Variants in GDAP1 observed in about 807,000 individuals in gnomAD.
The protein encoded by GDAP1 is ganglioside induced differentiation associated protein 1.
GDAP1 carries 34 observed loss-of-function variants against 40.1 expected under a neutral mutation model. The ratio of observed to expected loss-of-function variants is 0.85; its 90% CI spans 0.64 to 1.13. The LOEUF (loss-of-function observed/expected upper bound fraction) is 1.13. Among genes scored for constraint, GDAP1 ranks in the 50% most tolerant of loss-of-function variants. The pLI is 0.00. For missense variants in GDAP1, 374 were observed against 433.7 expected (o/e 0.86, Z 1.22); for synonymous variants, 170 against 157.4 (o/e 1.08, Z -0.60).
In GDAP1 at chr8:74,453,621, G is replaced by A. The variant is rs1343077991; in HGVS notation, c.166-35057G>A. Among the ~76,000 whole-genome samples, 8 of 84,130 alleles carry A rather than the reference G, an allele frequency of 9.5e-5. 2 individuals are homozygous for A. Among genetic ancestry groups the A allele is most frequent in the Non-Finnish European group, 1.2e-4 (5 of 41,236 alleles). 55.2% of individuals were successfully genotyped at this position (84,130 alleles called of 152,430 possible). ...TATTAACTTTTTTATATGTAAGTGA[G>A]ATCTGGTATTTATTCTCTCTTAGCA... On this transcript the variant is annotated intron_variant, in intron 2 of 2. Coordinates refer to the GDAP1 transcript ENST00000523640.
Position 74,366,099 on chromosome 8 carries a change from T to C in GDAP1, c.*1732T>C. 2.3e-6 allele frequency: 1 copy of C among 441,778 alleles called. No individual in the cohort carries two copies. Among genetic ancestry groups the C allele is most frequent in the Non-Finnish European group, 4.5e-6 (1 of 223,238 alleles). 27.4% of individuals were successfully genotyped at this position (441,778 alleles called of 1,614,324 possible). ...AGTTGTTAAGAATAAAAATTAGAAG[T>C]CCATGGTTAACTTTTCCTTCAATTT... On this transcript the variant is annotated 3_prime_UTR_variant, in exon 6 of 6. Coordinates refer to ENST00000220822, the MANE Select transcript of GDAP1 (RefSeq NM_018972.4).
At chr8:74,378,005 A>G (rs1809886212) in intron 2 of GDAP1, among the ~76,000 whole-genome samples, 1 of 152,212 alleles carries the variant, frequency 6.6e-6, no homozygotes, top group Non-Finnish European at 1.5e-5. Context: ...ATGCTATGTG[A>G]GGAGGTAATG....
intron 2 of GDAP1, among the ~76,000 whole-genome samples, chr8:74,356,784 G>A (rs1239501089): frequency 2.8e-5 from 4 of 142,822 alleles, no homozygotes; most frequent in Non-Finnish European, 6.0e-5. Flanking sequence ...GCGCAATCTC[G>A]GCTCCCTGCA....
In GDAP1 at chr8:74,435,738, T is replaced by C. The variant is rs144631363; in HGVS notation, c.166-52940T>C. Among the ~76,000 whole-genome samples, 1,049 of 152,342 alleles carry C rather than the reference T, an allele frequency of 6.9e-3. 9 individuals carry two copies. The highest frequency in any genetic ancestry group is 0.023 in the African/African-American group (973 of 41,572). On this transcript the variant is annotated intron_variant, in intron 2 of 2. Coordinates refer to the GDAP1 transcript ENST00000523640. Reference sequence around the variant, plus strand: ...TCACAAAGAGATGTTTAGAAGCAGTTCTACTTTCCTTCCTCCAAATATCAT... The same window carrying C: ...TCACAAAGAGATGTTTAGAAGCAGTCCTACTTTCCTTCCTCCAAATATCAT...
At chr8:74,360,034 T>C (rs1809279720) in intron 2 of GDAP1, 103 bp from the exon 3 acceptor site, 10 of 811,690 alleles carry the variant, frequency 1.2e-5, no homozygotes, top group Admixed American at 3.9e-5. Context: ...TATACAGATA[T>C]GTTGAAAATG....
At chr8:74,402,184 C>T (rs1053331769) in intron 2 of GDAP1, among the ~76,000 whole-genome samples, 5 of 150,496 alleles carry the variant, frequency 3.3e-5, no homozygotes, top group African/African-American at 5.0e-5. Flanking sequence ...AGGCAGGCCT[C>T]CTTGAGCTGT....
Position 74,407,227 on chromosome 8 carries a change from T to C in GDAP1, c.165+55906T>C, listed in dbSNP as rs559539180. On this transcript the variant is annotated intron_variant, in intron 2 of 2. Transcript: ENST00000523640. Reference sequence around the variant, plus strand: ...CAGGAGGACTTCTTGAGACCAGGAGTTCGAGACCAGCCTGGACAATTTAAT... The same window carrying C: ...CAGGAGGACTTCTTGAGACCAGGAGCTCGAGACCAGCCTGGACAATTTAAT... 4.0e-5 allele frequency among the ~76,000 whole-genome samples: 6 copies of C among 149,652 alleles called. 1 individual carries two copies. The highest frequency in any genetic ancestry group is 1.5e-4 in the African/African-American group (6 of 39,100).
chr8:74,409,923 C>T (rs544981314), intron 2 of GDAP1, among the ~76,000 whole-genome samples: 4 of 150,012 alleles, frequency 2.7e-5, no homozygotes, highest in African/African-American at 5.1e-5. Flanking sequence ...TCTCCCATCT[C>T]CTTGGCTGTG....
intron 2 of GDAP1, among the ~76,000 whole-genome samples, chr8:74,463,467 A>C (rs1195186320): frequency 6.6e-6 from 1 of 151,792 alleles, no homozygotes; most frequent in African/African-American, 2.4e-5. Flanking sequence ...TCTCAAAAAA[A>C]AAAACAAAAA....
chr8:74,377,338 A>G (rs1809873172), intron 2 of GDAP1, among the ~76,000 whole-genome samples: 1 of 152,206 alleles, frequency 6.6e-6, no homozygotes, highest in Non-Finnish European at 1.5e-5. Context: ...TATACCTCCA[A>G]TTCAATAATA....
At chr8:74,488,162 G>A (rs1806798705) in intron 2 of GDAP1, among the ~76,000 whole-genome samples, 1 of 152,128 alleles carries the variant, frequency 6.6e-6, no homozygotes, top group Non-Finnish European at 1.5e-5. Flanking sequence ...AATTATTAAA[G>A]TTAAAAATTA....
At chr8:74,468,531 G>A (rs1356496748) in intron 2 of GDAP1, among the ~76,000 whole-genome samples, 1 of 146,886 alleles carries the variant, frequency 6.8e-6, no homozygotes, top group Non-Finnish European at 1.5e-5. Flanking sequence ...ACACATGAAT[G>A]TGTATATATA....
chr8:74,409,465 C>T (rs563559276), intron 2 of GDAP1, among the ~76,000 whole-genome samples: 11 of 149,886 alleles, frequency 7.3e-5, no homozygotes, highest in South Asian at 4.1e-4. Flanking sequence ...GATTCTCCTG[C>T]CCCAGCCTCC....
intron 2 of GDAP1, among the ~76,000 whole-genome samples, chr8:74,395,809 C>T (rs1280756211): frequency 2.0e-5 from 3 of 152,206 alleles, no homozygotes; most frequent in African/African-American, 7.2e-5. Context: ...CGGCTACTCA[C>T]ATTTATTTTA....
chr8:74,378,896 G>A (rs1809903856), intron 2 of GDAP1, among the ~76,000 whole-genome samples: 1 of 152,188 alleles, frequency 6.6e-6, no homozygotes, highest in Non-Finnish European at 1.5e-5. Context: ...CCCTTGACAG[G>A]AAAGACTTAG....
At chr8:74,458,569 A>G (rs919273985) in intron 2 of GDAP1, among the ~76,000 whole-genome samples, 8 of 152,210 alleles carry the variant, frequency 5.3e-5, no homozygotes, top group African/African-American at 1.4e-4. Context: ...AAATGGAAAG[A>G]AGAAGATACT....
chr8:74,422,536 T>TTCCTTCCTTCC (rs1805891677), intron 2 of GDAP1, among the ~76,000 whole-genome samples: 4 of 82,960 alleles, frequency 4.8e-5, no homozygotes, highest in African/African-American at 1.9e-4. Context: ...TCCTTCCTTC[T>TTCCTTCCTTCC]TTCTTTCTCT....
chr8:74,444,677 A>G (rs1360159088), intron 2 of GDAP1, among the ~76,000 whole-genome samples: 4 of 152,308 alleles, frequency 2.6e-5, no homozygotes, highest in Non-Finnish European at 4.4e-5. Flanking sequence ...GAAACAAAAC[A>G]TATGTTGGGT....
At chr8:74,356,860 G>A (rs1308967619) in intron 2 of GDAP1, among the ~76,000 whole-genome samples, 1 of 151,344 alleles carries the variant, frequency 6.6e-6, no homozygotes. Context: ...GACTATAGGC[G>A]CGCACCACCA....
Sources: allele counts gnomAD v4.1 joint callset (sites outside exome capture counted in the v4.1 genomes callset), GRCh38; gene constraint gnomAD v4.1.1; transcripts MANE v1.5; gene names NCBI Gene and HGNC (gene_info 2026-07-23, HGNC 2026-07-21).